GRID2: variants seen among roughly 807,000 people sequenced by gnomAD.
The protein encoded by GRID2 is glutamate receptor ionotropic, delta-2.
Under a neutral mutation model 114.8 loss-of-function variants are expected in GRID2, and 33 were observed. The observed-to-expected ratio is 0.29, with a 90% confidence interval of 0.22 to 0.38. The LOEUF is 0.38. GRID2 is among the 10% of genes least tolerant of loss of function. The probability of loss-of-function intolerance (pLI) is 1.00; values close to 1 mark genes in which losing one functional copy is unlikely to be tolerated. For missense variants in GRID2, 1,184 were observed against 1,257.7 expected (o/e 0.94, Z 0.89); for synonymous variants, 505 against 449.9 (o/e 1.12, Z -1.55).
intron 1 of GRID2, among the ~76,000 whole-genome samples, chr4:92,572,239 A>G (rs538915124): frequency 6.6e-6 from 1 of 152,330 alleles, no homozygotes; most frequent in East Asian, 1.9e-4. Context: ...CTACCATCAG[A>G]TAATACTATA....
At chr4:92,539,053 A>G (rs1287715109) in intron 1 of GRID2, among the ~76,000 whole-genome samples, 1 of 136,976 alleles carries the variant, frequency 7.3e-6, no homozygotes, top group East Asian at 2.2e-4. Context: ...AAAAAAAAAA[A>G]AAAAAGTGTC....
intron 2 of GRID2, among the ~76,000 whole-genome samples, chr4:93,076,937 T>C (rs1369970985): frequency 6.6e-6 from 1 of 152,192 alleles, no homozygotes; most frequent in African/African-American, 2.4e-5. Context: ...CCATATTTCA[T>C]TAAATTGTCA....
rs113337595 is a variant in GRID2, at chr4:92,719,833, C to T, written c.244+129547C>T. On this transcript the variant is annotated intron_variant, in intron 2 of 15. Transcript: ENST00000282020. Reference sequence around the variant, plus strand: ...TGTAGAGAACTTTCAGTCTTTTGATCAGAGAATGAGCCAATTCTTGAAGTA... The same window carrying T: ...TGTAGAGAACTTTCAGTCTTTTGATTAGAGAATGAGCCAATTCTTGAAGTA... Among the ~76,000 whole-genome samples the T allele has an allele frequency of 1.2e-3, 182 of 152,248 alleles. 2 individuals are homozygous for T. The highest frequency in any genetic ancestry group is 4.2e-3 in the African/African-American group (174 of 41,564).
chr4:92,900,134 T>C (rs930287405), intron 2 of GRID2, among the ~76,000 whole-genome samples: 1 of 152,202 alleles, frequency 6.6e-6, no homozygotes, highest in Non-Finnish European at 1.5e-5. Flanking sequence ...TCAACTTTAA[T>C]TCTTATTTAG....
chr4:92,881,453 T>C (rs886660514), intron 2 of GRID2, among the ~76,000 whole-genome samples: 3 of 152,206 alleles, frequency 2.0e-5, no homozygotes, highest in Non-Finnish European at 4.4e-5. Flanking sequence ...AAGGTGGCCA[T>C]GTGAGAATTA....
In GRID2 at chr4:92,884,904, T is replaced by C. The variant is rs939665614; in HGVS notation, c.245-200091T>C. The C allele has an allele frequency of 1.9e-5, 7 of 376,474 alleles. No homozygotes were observed. In the Admixed American group the frequency reaches 2.4e-4, roughly 13 times the overall value. 23.3% of individuals were successfully genotyped at this position (376,474 alleles called of 1,614,324 possible). A position where few individuals can be genotyped will look rare whatever the true frequency, so the allele number is the denominator to read the frequency against. ...TGTTCTGAGAATGGTACTATCAATGTAGATGATAAGCTGGTGACATTTGGT... is the reference window on the plus strand; with the variant it reads ...TGTTCTGAGAATGGTACTATCAATGCAGATGATAAGCTGGTGACATTTGGT... On this transcript the variant is annotated intron_variant, in intron 2 of 15. Transcript: ENST00000282020.
chr4:92,541,746 T>C (rs1725973383), intron 1 of GRID2, among the ~76,000 whole-genome samples: 1 of 151,968 alleles, frequency 6.6e-6, no homozygotes, highest in African/African-American at 2.4e-5. Context: ...TGCATCCATG[T>C]AGAGGGTGAG....
At chr4:93,526,815 T>TA (rs1446406851) in intron 13 of GRID2, among the ~76,000 whole-genome samples, 1 of 151,836 alleles carries the variant, frequency 6.6e-6, no homozygotes, top group East Asian at 1.9e-4. Context: ...ATCTCAAAAA[T>TA]AAAAAATAAA....
At chr4:93,254,368 T>A (rs531769246) in intron 8 of GRID2, among the ~76,000 whole-genome samples, 12 of 152,210 alleles carry the variant, frequency 7.9e-5, no homozygotes, top group African/African-American at 2.9e-4. Flanking sequence ...GTTTAACTAG[T>A]AAAATGAATG....
At chr4:93,582,676 A>C (rs17020808) in intron 13 of GRID2, among the ~76,000 whole-genome samples, 1 of 152,156 alleles carries the variant, frequency 6.6e-6, no homozygotes, top group Non-Finnish European at 1.5e-5. Flanking sequence ...ATTCCAGTTT[A>C]ATAATGGAGA....
intron 14 of GRID2, among the ~76,000 whole-genome samples, chr4:93,707,405 A>G (rs1728099960): frequency 6.6e-6 from 1 of 151,968 alleles, no homozygotes; most frequent in Non-Finnish European, 1.5e-5. Context: ...TCAGGTTTTG[A>G]ATTTCTCCCT....
At chr4:93,710,693 G>A (rs1027554100) in intron 14 of GRID2, among the ~76,000 whole-genome samples, 8 of 152,186 alleles carry the variant, frequency 5.3e-5, no homozygotes, top group Admixed American at 1.3e-4. Context: ...GGCCCAGGGT[G>A]GGTCTTGAAG....
intron 2 of GRID2, among the ~76,000 whole-genome samples, chr4:93,046,724 T>G (rs890984919): frequency 6.6e-6 from 1 of 152,040 alleles, no homozygotes; most frequent in African/African-American, 2.4e-5. Flanking sequence ...TCTTTTTGAA[T>G]GCACTAAGCA....
chr4:93,181,183 C>T (rs1442961061), intron 4 of GRID2, among the ~76,000 whole-genome samples: 2 of 152,148 alleles, frequency 1.3e-5, no homozygotes, highest in Non-Finnish European at 2.9e-5. Context: ...ATGAAAACAA[C>T]ATTAATCTCC....
chr4:92,440,719 A>G (rs1331997084), intron 1 of GRID2, among the ~76,000 whole-genome samples: 20 of 152,064 alleles, frequency 1.3e-4, no homozygotes, highest in Non-Finnish European at 1.5e-5. Flanking sequence ...ACCGCCATCA[A>G]TAAATCAAGC....
intron 2 of GRID2, among the ~76,000 whole-genome samples, chr4:93,009,547 A>C (rs1242627638): frequency 1.3e-5 from 2 of 151,914 alleles, no homozygotes; most frequent in Non-Finnish European, 1.5e-5. Context: ...CTTGATTTTC[A>C]TTTTTCCTTG....
At chr4:92,905,337 T>C (rs1409681703) in intron 2 of GRID2, among the ~76,000 whole-genome samples, 1 of 152,036 alleles carries the variant, frequency 6.6e-6, no homozygotes, top group African/African-American at 2.4e-5. Flanking sequence ...ACTTCAGCTG[T>C]GGCTCTAAAA....
intron 8 of GRID2, among the ~76,000 whole-genome samples, chr4:93,239,286 CAT>C (rs1364585094): frequency 2.0e-5 from 3 of 148,820 alleles, no homozygotes; most frequent in African/African-American, 7.4e-5. Context: ...TATATCAAAT[CAT>C]ATGTATATAT....
chr4:92,973,741 CTTA>C (rs902093888), intron 2 of GRID2, among the ~76,000 whole-genome samples: 3 of 152,026 alleles, frequency 2.0e-5, no homozygotes, highest in South Asian at 2.1e-4. Context: ...TTAAATGATA[CTTA>C]TTAGTAATTA....
Sources: gnomAD v4.1 joint callset for allele counts (sites outside exome capture counted in the v4.1 genomes callset) on GRCh38, gnomAD v4.1.1 for gene constraint, MANE v1.5 for transcripts, NCBI Gene and HGNC (gene_info 2026-07-23, HGNC 2026-07-21) for gene names.